The following SUSD4 variants were observed in gnomAD, a reference collection of about 807,000 sequenced individuals.
SUSD4 encodes the protein sushi domain containing 4.
A neutral mutation model predicts 50.5 loss-of-function variants in SUSD4; 41 were observed. The observed-to-expected ratio is 0.81, with a 90% CI of 0.63 to 1.05. The LOEUF is 1.05. SUSD4 is among the 50% of genes least tolerant of loss of function. The probability of loss-of-function intolerance (pLI) is 0.00; values close to 1 mark genes in which losing one functional copy is unlikely to be tolerated. For missense variants in SUSD4, 580 were observed against 634.7 expected (o/e 0.91, Z 0.93); for synonymous variants, 257 against 257.3 (o/e 1.00, Z 0.01).
At position 223,314,722 on chromosome 1, in the gene SUSD4, C is replaced by G. The variant is rs145915771; in HGVS notation, c.149-22071G>C. 3.3e-5 allele frequency among the ~76,000 whole-genome samples: 5 copies of G among 152,306 alleles called. No homozygotes were observed. The East Asian group carries it at 7.7e-4, about 24-fold the overall frequency. ...AGTTTCCTTGCACGAGCTCTCTTCT[C>G]TTGTCTACCACCATGTGAGACGTCC... On this transcript the variant is annotated intron_variant, in intron 2 of 8. Transcript: ENST00000366878.
intron 2 of SUSD4, among the ~76,000 whole-genome samples, chr1:223,328,748 C>T (rs543018805): frequency 6.6e-6 from 1 of 152,328 alleles, no homozygotes; most frequent in South Asian, 2.1e-4. Flanking sequence ...TCAGCAGCTA[C>T]ACCTCAGGGG....
At chr1:223,271,241 C>T (rs1187163937) in intron 3 of SUSD4, among the ~76,000 whole-genome samples, 3 of 152,158 alleles carry the variant, frequency 2.0e-5, no homozygotes, top group Non-Finnish European at 2.9e-5. Flanking sequence ...TGGATAGAAG[C>T]GTCCCTTTGG....
intron 2 of SUSD4, among the ~76,000 whole-genome samples, chr1:223,357,105 C>T (rs1209783600): frequency 6.6e-6 from 1 of 152,204 alleles, no homozygotes; most frequent in Admixed American, 6.5e-5. Context: ...GAGTCAAGCA[C>T]AACCCATTCT....
chr1:223,271,342 T>C (rs557788410), intron 3 of SUSD4, among the ~76,000 whole-genome samples: 4 of 152,188 alleles, frequency 2.6e-5, no homozygotes, highest in Non-Finnish European at 5.9e-5. Flanking sequence ...TGTTGTGTAA[T>C]GTAGAACGCT....
At chr1:223,296,812 C>T (rs771385480) in intron 2 of SUSD4, among the ~76,000 whole-genome samples, 1 of 152,192 alleles carries the variant, frequency 6.6e-6, no homozygotes, top group Non-Finnish European at 1.5e-5. Context: ...TGCACTTCTC[C>T]TTGCTGCCGC....
Position 223,229,465 on chromosome 1 carries a change from C to A in SUSD4, c.725-77G>T. The A allele has an allele frequency of 7.4e-7, 1 of 1,356,866 alleles. No homozygotes were observed. 84.1% of individuals were successfully genotyped at this position (1,356,866 alleles called of 1,614,324 possible). A position where few individuals can be genotyped will look rare whatever the true frequency, so the allele number is the denominator to read the frequency against. On this transcript the variant is annotated intron_variant, in intron 5 of 8. Coordinates refer to ENST00000366878, the MANE Select transcript of SUSD4 (RefSeq NM_017982.4). The surrounding 1 kb of genome is among the most constrained non-coding windows in gnomAD (Gnocchi z 4.7). ...CTGAAGCCCCTAAGACGAAGAATGG[C>A]CTAGGAGAACTCAGTTAAAAATGTG...
chr1:223,259,086 G>T (rs767331704), intron 5 of SUSD4, among the ~76,000 whole-genome samples: 9 of 152,170 alleles, frequency 5.9e-5, no homozygotes, highest in Admixed American at 5.9e-4. Context: ...CACATGCTAT[G>T]TGAGCCCCAG....
intron 5 of SUSD4, among the ~76,000 whole-genome samples, chr1:223,257,762 A>G (rs1323908756): frequency 6.6e-6 from 1 of 152,188 alleles, no homozygotes; most frequent in Non-Finnish European, 1.5e-5. Flanking sequence ...ATCACCGGGC[A>G]GGGAGCTGAG....
chr1:223,222,477 G>A (rs964783728), intron 8 of SUSD4, among the ~76,000 whole-genome samples: 2 of 152,048 alleles, frequency 1.3e-5, no homozygotes, highest in Admixed American at 1.3e-4. Context: ...TTTAACCATA[G>A]GCCTTAATGG....
intron 3 of SUSD4, among the ~76,000 whole-genome samples, chr1:223,275,542 C>G (rs1305360923): frequency 1.3e-5 from 2 of 152,148 alleles, no homozygotes; most frequent in Non-Finnish European, 2.9e-5. Flanking sequence ...GGTTCTACCC[C>G]ATGTCTCATG....
intron 2 of SUSD4, among the ~76,000 whole-genome samples, chr1:223,346,479 C>T (rs1388534355): frequency 6.6e-6 from 1 of 152,092 alleles, no homozygotes; most frequent in East Asian, 1.9e-4. Context: ...CTGGCAAATC[C>T]ATCCACGGTG....
intron 2 of SUSD4, among the ~76,000 whole-genome samples, chr1:223,362,804 T>C (rs1364566995): frequency 6.6e-6 from 1 of 152,126 alleles, no homozygotes; most frequent in Non-Finnish European, 1.5e-5. Flanking sequence ...TCTGACCACG[T>C]TTCCAGACCC....
intron 2 of SUSD4, among the ~76,000 whole-genome samples, chr1:223,296,047 C>A (rs1664801445): frequency 7.4e-6 from 1 of 135,130 alleles, no homozygotes; most frequent in South Asian, 2.4e-4. Flanking sequence ...TCAATTGAGC[C>A]TGGCTCTCTC....
chr1:223,279,843 G>A (rs1571957981), intron 3 of SUSD4, among the ~76,000 whole-genome samples: 2 of 152,318 alleles, frequency 1.3e-5, no homozygotes, highest in Admixed American at 6.5e-5. Context: ...AGAGAGAAAG[G>A]TTAGGTTACC....
chr1:223,363,339 G>A lies in SUSD4; in HGVS notation c.87C>T (p.Leu29=), dbSNP rs2102611603. 1.9e-6 allele frequency: 3 copies of A among 1,610,278 alleles called. No homozygotes were observed. The highest frequency in any genetic ancestry group is 2.5e-6 in the Non-Finnish European group (3 of 1,178,546). ...QQQQPQSPQR[L]LAVILWFQLA... ...GCTGAAACCACAGGATCACGGCCAA[G>A]AGTCTCTGGGGGGACTGAGGTTGCT... Residue 29 remains leucine, a synonymous_variant, in exon 2 of 9, where the codon CTC becomes CTT. Coordinates refer to ENST00000366878, the MANE Select transcript of SUSD4 (RefSeq NM_017982.4).
Position 223,336,245 on chromosome 1 carries a change from T to C in SUSD4, c.148+27033A>G, listed in dbSNP as rs556501741. On this transcript the variant is annotated intron_variant, in intron 2 of 8. Transcript: ENST00000366878. ...CTGGGATTACAAGCGTGAGCCACTG[T>C]GCCCGGCCAATAATGACTATCATTT... Among the ~76,000 whole-genome samples, 26 of 152,306 alleles carry C rather than the reference T, an allele frequency of 1.7e-4. No homozygotes were observed. In the South Asian group the frequency reaches 5.4e-3, roughly 32 times the overall value.
intron 5 of SUSD4, among the ~76,000 whole-genome samples, chr1:223,257,435 G>C (rs1223321929): frequency 1.3e-5 from 2 of 152,200 alleles, no homozygotes; most frequent in Non-Finnish European, 2.9e-5. Flanking sequence ...AAGGCAGCCT[G>C]ATGGTGCCAG....
chr1:223,223,178 A>G, intron 8 of SUSD4, 71 bp downstream of exon 8: 1 of 1,492,996 alleles, frequency 6.7e-7, no homozygotes, highest in Non-Finnish European at 8.9e-7. Flanking sequence ...GTGCGTAGCA[A>G]GGAGCTGGCT....
chr1:223,274,083 T>G (rs1663097581), intron 3 of SUSD4, among the ~76,000 whole-genome samples: 1 of 152,150 alleles, frequency 6.6e-6, no homozygotes, highest in African/African-American at 2.4e-5. Context: ...AGAATGCTTT[T>G]TTCACTTACT....
Sources: allele counts gnomAD v4.1 joint callset (sites outside exome capture counted in the v4.1 genomes callset), GRCh38; gene constraint gnomAD v4.1.1; non-coding constraint Gnocchi (gnomAD v3.1); transcripts MANE v1.5; gene names NCBI Gene and HGNC (gene_info 2026-07-23, HGNC 2026-07-21).